The following KIF13A variants were observed in gnomAD, a reference collection of about 807,000 sequenced individuals.
KIF13A encodes the protein kinesin-like protein KIF13A.
A neutral mutation model predicts 212.2 loss-of-function variants in KIF13A; 79 were observed. The observed-to-expected ratio is 0.37, with a 90% CI of 0.31 to 0.45. KIF13A has a LOEUF of 0.45. Among genes scored for constraint, KIF13A ranks in the 20% least tolerant of loss-of-function variants. The pLI is 1.00. For missense variants in KIF13A, 1,901 were observed against 2,209.0 expected (o/e 0.86, Z 2.79); for synonymous variants, 789 against 808.6 (o/e 0.98, Z 0.41).
In KIF13A at chr6:17,968,352, A is replaced by G. The variant is rs1247486819; in HGVS notation, c.146+18702T>C. 2.0e-5 allele frequency among the ~76,000 whole-genome samples: 3 copies of G among 152,166 alleles called. No homozygotes were observed. The highest frequency in any genetic ancestry group is 4.4e-5 in the Non-Finnish European group (3 of 68,024). Reference sequence around the variant, plus strand: ...CTACCAGTACCTCTCCTTTCTCTCAATTCTTTCACTCCAGTCCTCTCTCCC... The same window carrying G: ...CTACCAGTACCTCTCCTTTCTCTCAGTTCTTTCACTCCAGTCCTCTCTCCC... On this transcript the variant is annotated intron_variant, in intron 2 of 38. Transcript: ENST00000259711. This position sits in a 1 kb window ranked among gnomAD's most constrained non-coding sequence, Gnocchi z 4.7.
Position 17,828,257 on chromosome 6 carries a change from A to G in KIF13A, c.1515T>C (p.Thr505=), listed in dbSNP as rs375298270. Residue 505 remains threonine, a synonymous_variant, in exon 14 of 39, where the codon ACT becomes ACC. Coordinates refer to ENST00000259711, the MANE Select transcript of KIF13A (RefSeq NM_022113.6). The surrounding 1 kb of genome is among the most constrained non-coding windows in gnomAD (Gnocchi z 4.3). ...DIASDGDVTL[T]PKENARSCVN... ...TTTCTTACCTTGCATTTTCTTTTGG[A>G]GTGAGAGTGACGTCTCCATCAGATG... is the stretch of plus-strand genomic sequence containing the variant. The G allele has an allele frequency of 1.7e-5, 27 of 1,609,924 alleles. No individual in the cohort carries two copies. The African/African-American group carries it at 2.8e-4, about 17-fold the overall frequency.
In KIF13A at chr6:17,789,809, G is replaced by A. The variant is rs1761381386; in HGVS notation, c.3261+63C>T. ...CTTCCTCCTCCCTGGCCTCTGCTTT[G>A]CGAATGCTGGCAATTAGCAGTAGCT... On this transcript the variant is annotated intron_variant, in intron 26 of 38. Coordinates refer to ENST00000259711, the MANE Select transcript of KIF13A (RefSeq NM_022113.6). This position sits in a 1 kb window ranked among gnomAD's most constrained non-coding sequence, Gnocchi z 4.8. 3 of 1,433,460 alleles carry A rather than the reference G, an allele frequency of 2.1e-6. No homozygotes were observed. The South Asian group carries it at 3.5e-5, about 17-fold the overall frequency. The allele number at this position is 1,433,460 out of a possible 1,614,324, so 88.8% of individuals were successfully genotyped here.
intron 2 of KIF13A, among the ~76,000 whole-genome samples, chr6:17,974,738 A>G (rs970389324): frequency 2.0e-5 from 3 of 152,178 alleles, no homozygotes; most frequent in African/African-American, 7.2e-5. Flanking sequence ...CCAACCATCT[A>G]TTTTTAAAGC....
chr6:17,919,699 C>G lies in KIF13A; in HGVS notation c.147-21519G>C, dbSNP rs1267993336. On this transcript the variant is annotated intron_variant, in intron 2 of 38. Coordinates refer to ENST00000259711, the MANE Select transcript of KIF13A (RefSeq NM_022113.6). This position sits in a 1 kb window ranked among gnomAD's most constrained non-coding sequence, Gnocchi z 4.1. ...CAGATACGACAGCTAACAAGCAGGG[C>G]TGTGAGACAGGGTGGCAGCCGAACG... Among the ~76,000 whole-genome samples the G allele has an allele frequency of 2.0e-5, 3 of 152,204 alleles. No individual in the cohort carries two copies. The highest frequency in any genetic ancestry group is 7.2e-5 in the African/African-American group (3 of 41,438).
chr6:17,836,806 G>A (rs370104810), intron 11 of KIF13A, 72 bp downstream of exon 11: 2 of 1,346,806 alleles, frequency 1.5e-6, no homozygotes, highest in Admixed American at 1.8e-5. Context: ...AATTGCAAAT[G>A]AGCACACCCT....
At position 17,913,787 on chromosome 6, in the gene KIF13A, C is replaced by T. The variant is rs372360423; in HGVS notation, c.147-15607G>A. ...AAACTGAAGGAAAATCCACAGGGAC[C>T]GGGATTGATGGAGACGCAAAATGGG... is the stretch of plus-strand genomic sequence containing the variant. On this transcript the variant is annotated intron_variant, in intron 2 of 38. Coordinates refer to ENST00000259711, the MANE Select transcript of KIF13A (RefSeq NM_022113.6). 7.2e-5 allele frequency among the ~76,000 whole-genome samples: 11 copies of T among 152,156 alleles called. No individual in the cohort carries two copies. In the East Asian group the frequency reaches 7.7e-4, roughly 11 times the overall value.
intron 29 of KIF13A, among the ~76,000 whole-genome samples, chr6:17,781,623 GTTTTTTTTTT>G (rs776138365): frequency 1.7e-4 from 18 of 107,078 alleles, no homozygotes; most frequent in African/African-American, 5.9e-4. Flanking sequence ...CTGTACTTGG[GTTTTTTTTTT>G]TTTTTTTTTT....
intron 2 of KIF13A, among the ~76,000 whole-genome samples, chr6:17,910,562 A>T (rs986963554): frequency 2.0e-5 from 3 of 149,590 alleles, no homozygotes; most frequent in Non-Finnish European, 4.4e-5. Flanking sequence ...GAATAGTAAG[A>T]CAATTTTTTT....
chr6:17,781,520 T>TTA (rs1333830523), intron 29 of KIF13A, among the ~76,000 whole-genome samples: 1 of 152,102 alleles, frequency 6.6e-6, no homozygotes, highest in Non-Finnish European at 1.5e-5. Flanking sequence ...AGATGAGGTC[T>TTA]TACTATGTTG....
chr6:17,768,275 T>C lies in KIF13A; in HGVS notation c.4581+2839A>G, dbSNP rs564532934. On this transcript the variant is annotated intron_variant, in intron 38 of 38. Coordinates refer to ENST00000259711, the MANE Select transcript of KIF13A (RefSeq NM_022113.6). The surrounding 1 kb of genome is among the most constrained non-coding windows in gnomAD (Gnocchi z 5.4). ...TTAAAACCCTATCTGAAGTGGCACA[T>C]GGAGTCAAGTTCTCAAGCTTCTCTA... Among the ~76,000 whole-genome samples the C allele has an allele frequency of 2.6e-5, 4 of 152,344 alleles. No individual in the cohort carries two copies. Among genetic ancestry groups the C allele is most frequent in the Admixed American group, 1.3e-4 (2 of 15,302 alleles).
Position 17,951,093 on chromosome 6 carries a change from C to T in KIF13A, c.146+35961G>A. The T allele has an allele frequency of 8.9e-7, 1 of 1,124,832 alleles. No individual in the cohort carries two copies. Among genetic ancestry groups the T allele is most frequent in the Non-Finnish European group, 1.1e-6 (1 of 921,478 alleles). 69.7% of individuals were successfully genotyped at this position (1,124,832 alleles called of 1,614,324 possible). ...AAGGAATTGTACTTATTATATATAA[C>T]ACTTTGCCAACCATCCATTTATTCA... On this transcript the variant is annotated intron_variant, in intron 2 of 38. Coordinates refer to ENST00000259711, the MANE Select transcript of KIF13A (RefSeq NM_022113.6). The surrounding 1 kb of genome is among the most constrained non-coding windows in gnomAD (Gnocchi z 4.9).
intron 9 of KIF13A, among the ~76,000 whole-genome samples, chr6:17,842,363 T>G (rs1766611366): frequency 6.6e-6 from 1 of 152,108 alleles, no homozygotes; most frequent in East Asian, 1.9e-4. Flanking sequence ...GCTTACATAT[T>G]TTTATGAATT....
chr6:17,850,209 G>C lies in KIF13A; in HGVS notation c.717+114C>G. ...AGCAAAGTAGCTCACCTAGTAAGCA[G>C]AAGAGCCAACATACAATTCTCAGCC... On this transcript the variant is annotated intron_variant, in intron 8 of 38. Transcript: ENST00000259711. The surrounding 1 kb of genome is among the most constrained non-coding windows in gnomAD (Gnocchi z 6.2). 1.0e-6 allele frequency: 1 copy of C among 991,948 alleles called. No homozygotes were observed. The highest frequency in any genetic ancestry group is 2.6e-5 in the East Asian group (1 of 37,768). The allele number at this position is 991,948 out of a possible 1,614,324, so 61.4% of individuals were successfully genotyped here. A position where few individuals can be genotyped will look rare whatever the true frequency, so the allele number is the denominator to read the frequency against.
Position 17,777,254 on chromosome 6 carries a change from G to T in KIF13A, c.4170+23C>A. Reference sequence around the variant, plus strand: ...GGCTGCGACATGTCACATAGGAGCAGATCCTTGGCAGGATGCACTTACATT... The same window carrying T: ...GGCTGCGACATGTCACATAGGAGCATATCCTTGGCAGGATGCACTTACATT... On this transcript the variant is annotated intron_variant, in intron 34 of 38. Coordinates refer to ENST00000259711, the MANE Select transcript of KIF13A (RefSeq NM_022113.6). The surrounding 1 kb of genome is among the most constrained non-coding windows in gnomAD (Gnocchi z 4.4). 6.3e-7 allele frequency: 1 copy of T among 1,582,730 alleles called. No homozygotes were observed. Among genetic ancestry groups the T allele is most frequent in the Non-Finnish European group, 8.7e-7 (1 of 1,155,388 alleles).
intron 19 of KIF13A, among the ~76,000 whole-genome samples, chr6:17,804,742 G>C (rs1762783555): frequency 7.4e-6 from 1 of 134,712 alleles, no homozygotes; most frequent in East Asian, 2.3e-4. Context: ...GAACCCAGGA[G>C]ACAGAGGTTT....
chr6:17,925,922 T>C (rs1377146987), intron 2 of KIF13A, among the ~76,000 whole-genome samples: 1 of 152,152 alleles, frequency 6.6e-6, no homozygotes, highest in Non-Finnish European at 1.5e-5. Flanking sequence ...AAAATTTAGT[T>C]AGCAGTATAA....
intron 2 of KIF13A, among the ~76,000 whole-genome samples, chr6:17,962,445 G>A (rs1324914470): frequency 6.6e-6 from 1 of 152,202 alleles, no homozygotes; most frequent in Non-Finnish European, 1.5e-5. Context: ...AAAAAGCAGA[G>A]CGAGGAGAAA....
intron 23 of KIF13A, among the ~76,000 whole-genome samples, chr6:17,796,172 G>A (rs1762011478): frequency 6.7e-6 from 1 of 149,196 alleles, no homozygotes; most frequent in African/African-American, 2.4e-5. Context: ...AGAATTCAAA[G>A]CCTGTATTCT....
rs1230029633 is a variant in KIF13A, at chr6:17,882,476, T to C, written c.160-9039A>G. ...TTATGTAAAGAAATATTTCTGGACA[T>C]ATACATCAGATTTTTGCAAAGTGAG... On this transcript the variant is annotated intron_variant, in intron 3 of 38. Coordinates refer to ENST00000259711, the MANE Select transcript of KIF13A (RefSeq NM_022113.6). 2.0e-5 allele frequency among the ~76,000 whole-genome samples: 3 copies of C among 152,328 alleles called. No individual in the cohort carries two copies. In the East Asian group the frequency reaches 5.8e-4, roughly 29 times the overall value.
Sources: allele counts gnomAD v4.1 joint callset (sites outside exome capture counted in the v4.1 genomes callset), GRCh38; gene constraint gnomAD v4.1.1; non-coding constraint Gnocchi (gnomAD v3.1); transcripts MANE v1.5; gene names NCBI Gene and HGNC (gene_info 2026-07-23, HGNC 2026-07-21).